Variants in KIF16B observed in about 807,000 individuals in gnomAD.
KIF16B encodes kinesin-like protein KIF16B.
A neutral mutation model predicts 156.3 loss-of-function variants in KIF16B; 98 were observed. The observed-to-expected ratio is 0.63, with a 90% CI of 0.53 to 0.74. The LOEUF (loss-of-function observed/expected upper bound fraction) is 0.74. Among genes scored for constraint, KIF16B ranks in the 30% least tolerant of loss-of-function variants. KIF16B has a pLI of 0.00. For missense variants in KIF16B, 1,421 were observed against 1,606.5 expected, an observed-to-expected ratio of 0.88 and a Z score of 1.97; for synonymous variants, 564 against 583.7, an observed-to-expected ratio of 0.97 and a Z score of 0.49.
At position 16,411,826 on chromosome 20, in the gene KIF16B, C is replaced by T. The variant is rs189903186; in HGVS notation, c.1613-5370G>A. On this transcript the variant is annotated intron_variant, in intron 15 of 25. Coordinates refer to ENST00000354981, the MANE Select transcript of KIF16B (RefSeq NM_024704.5). ...GTGTGGTGGACCTAAGTTTTGATTGCGACCCCATCACATGAGGTTAGGTGT... is the reference window on the plus strand; with the variant it reads ...GTGTGGTGGACCTAAGTTTTGATTGTGACCCCATCACATGAGGTTAGGTGT... Among the ~76,000 whole-genome samples, 286 of 151,798 alleles carry T rather than the reference C, an allele frequency of 1.9e-3. 2 individuals are homozygous for T. The highest frequency in any genetic ancestry group is 5.6e-3 in the African/African-American group (231 of 41,384).
chr20:16,384,380 A>G (rs575909302), intron 17 of KIF16B, among the ~76,000 whole-genome samples: 14 of 152,134 alleles, frequency 9.2e-5, no homozygotes, highest in Non-Finnish European at 1.9e-4. Context: ...TTCCTGAAGA[A>G]GCATATATCT....
Position 16,367,816 on chromosome 20 carries a change from T to A in KIF16B, c.3498+2770A>T, listed in dbSNP as rs776364964. On this transcript the variant is annotated intron_variant, in intron 22 of 25. Coordinates refer to ENST00000354981, the MANE Select transcript of KIF16B (RefSeq NM_024704.5). ...CTCTGGCATCAGGACACACAGGAGG[T>A]CACGACACAGCTGTTGAGAGAGGTA... is the stretch of plus-strand genomic sequence containing the variant. The A allele has an allele frequency of 1.2e-6, 2 of 1,611,390 alleles. No homozygotes were observed. Among genetic ancestry groups the A allele is most frequent in the East Asian group, 4.5e-5 (2 of 44,872 alleles).
chr20:16,318,385 C>T (rs2063727871), intron 24 of KIF16B, among the ~76,000 whole-genome samples: 1 of 152,068 alleles, frequency 6.6e-6, no homozygotes. Flanking sequence ...AAATAATACA[C>T]ACATTGAAAG....
chr20:16,441,437 A>G (rs1277168853), intron 12 of KIF16B, among the ~76,000 whole-genome samples: 2 of 152,158 alleles, frequency 1.3e-5, no homozygotes, highest in African/African-American at 4.8e-5. Flanking sequence ...TGCACTGACC[A>G]GTTATCAGGC....
chr20:16,455,172 T>A (rs1347908587), intron 12 of KIF16B, among the ~76,000 whole-genome samples: 2 of 152,136 alleles, frequency 1.3e-5, no homozygotes, highest in Non-Finnish European at 2.9e-5. Context: ...TTGTCTTCAT[T>A]TGAAATGACT....
chr20:16,340,288 C>A (rs1279132080), intron 23 of KIF16B, among the ~76,000 whole-genome samples: 1 of 152,188 alleles, frequency 6.6e-6, no homozygotes, highest in African/African-American at 2.4e-5. Flanking sequence ...TGTTGGATAT[C>A]CTATCTAAAA....
intron 22 of KIF16B, among the ~76,000 whole-genome samples, chr20:16,361,845 C>T (rs978873441): frequency 2.0e-5 from 3 of 152,086 alleles, no homozygotes; most frequent in Admixed American, 6.5e-5. Flanking sequence ...AGATCTGAGC[C>T]GACCAACATT....
chr20:16,427,944 T>C (rs1490619706), intron 14 of KIF16B, among the ~76,000 whole-genome samples: 1 of 152,176 alleles, frequency 6.6e-6, no homozygotes, highest in Non-Finnish European at 1.5e-5. Flanking sequence ...GCTAGCGTCT[T>C]GGGAGTACAA....
chr20:16,293,689 A>G (rs2063343701), intron 25 of KIF16B, among the ~76,000 whole-genome samples: 1 of 152,314 alleles, frequency 6.6e-6, no homozygotes, highest in East Asian at 1.9e-4. Context: ...GTCTGACTAG[A>G]ACAGGCAAGA....
chr20:16,518,317 C>T (rs940868970), intron 3 of KIF16B, among the ~76,000 whole-genome samples: 4 of 152,178 alleles, frequency 2.6e-5, no homozygotes, highest in Admixed American at 6.5e-5. Context: ...AGGTGGGAAG[C>T]GGGGCCTGCT....
At chr20:16,293,650 G>T (rs1282183794) in intron 25 of KIF16B, among the ~76,000 whole-genome samples, 2 of 152,184 alleles carry the variant, frequency 1.3e-5, no homozygotes, top group East Asian at 1.9e-4. Flanking sequence ...GGACAATTGT[G>T]GGGTGGAAGG....
chr20:16,427,702 C>A (rs895799955), intron 14 of KIF16B, among the ~76,000 whole-genome samples: 1 of 152,024 alleles, frequency 6.6e-6, no homozygotes, highest in Non-Finnish European at 1.5e-5. Context: ...GGAGCAGAAA[C>A]CCAAGGTGAA....
intron 21 of KIF16B, among the ~76,000 whole-genome samples, chr20:16,371,367 A>T (rs899238829): frequency 6.6e-6 from 1 of 152,136 alleles, no homozygotes; most frequent in African/African-American, 2.4e-5. Flanking sequence ...TGGGCAGATC[A>T]CTTGAGGTCA....
intron 24 of KIF16B, among the ~76,000 whole-genome samples, chr20:16,313,600 A>G (rs1421809223): frequency 3.3e-5 from 5 of 152,250 alleles, no homozygotes; most frequent in African/African-American, 1.2e-4. Flanking sequence ...TCTCACCCCT[A>G]CAAAAGTTAA....
chr20:16,465,518 G>C (rs1462896470), intron 12 of KIF16B, among the ~76,000 whole-genome samples: 1 of 152,138 alleles, frequency 6.6e-6, no homozygotes, highest in Non-Finnish European at 1.5e-5. Context: ...TTATTTTAAA[G>C]CATGTGGCTA....
chr20:16,452,752 A>G (rs6111136), intron 12 of KIF16B, among the ~76,000 whole-genome samples: 51,586 of 151,444 alleles, frequency 0.34, 9,959 homozygotes, highest in African/African-American at 0.52. Context: ...GGAGAATGGC[A>G]TGAACCTGGG....
intron 12 of KIF16B, among the ~76,000 whole-genome samples, chr20:16,432,804 T>A (rs964125612): frequency 6.6e-6 from 1 of 152,190 alleles, no homozygotes; most frequent in African/African-American, 2.4e-5. Context: ...GAAAGCAATT[T>A]AATTTAACAA....
chr20:16,487,189 T>C (rs1417323199), intron 12 of KIF16B, among the ~76,000 whole-genome samples: 1 of 151,976 alleles, frequency 6.6e-6, no homozygotes, highest in Non-Finnish European at 1.5e-5. Context: ...GAGGCGGAGC[T>C]TGCAGTGAGC....
intron 12 of KIF16B, among the ~76,000 whole-genome samples, chr20:16,473,257 T>G (rs6043986): frequency 0.22 from 33,614 of 152,138 alleles, 3,794 homozygotes; most frequent in Admixed American, 0.26. Context: ...CAAGAGCATC[T>G]TAAAGGCTCT....
Sources: allele counts gnomAD v4.1 joint callset (sites outside exome capture counted in the v4.1 genomes callset), GRCh38; gene constraint gnomAD v4.1.1; transcripts MANE v1.5; gene names NCBI Gene and HGNC (gene_info 2026-07-23, HGNC 2026-07-21).